SLC5A4: variants seen among roughly 807,000 people sequenced by gnomAD.
SLC5A4 encodes probable glucose sensor protein SLC5A4.
Under a neutral mutation model 70.3 loss-of-function variants are expected in SLC5A4, and 55 were observed. That is an observed-to-expected ratio of 0.78 (90% CI 0.63 to 0.98). The LOEUF is 0.98. Among genes scored for constraint, SLC5A4 ranks in the 50% least tolerant of loss-of-function variants. SLC5A4 has a pLI of 0.00. For missense variants in SLC5A4, 735 were observed against 839.2 expected (o/e 0.88, Z 1.53); for synonymous variants, 268 against 305.7 (o/e 0.88, Z 1.29).
chr22:32,238,950 A>G (rs1308909455), intron 6 of SLC5A4, 35 bp downstream of exon 6: 1 of 1,468,692 alleles, frequency 6.8e-7, no homozygotes, highest in Non-Finnish European at 9.5e-7. Context: ...TCAGCAAAAG[A>G]TAGCCTGAGT....
At chr22:32,271,390 T>C in the SLC5A4 span, 1 of 760,538 alleles carries the variant, frequency 1.3e-6, no homozygotes, top group Non-Finnish European at 2.4e-6. Flanking sequence ...ACACCTTACC[T>C]GCTGGTGCAT....
At chr22:32,305,255 G>GCA in the SLC5A4 span, among the ~76,000 whole-genome samples, 1 of 151,924 alleles carries the variant, frequency 6.6e-6, no homozygotes, top group East Asian at 1.9e-4. Flanking sequence ...TGTATTTGGA[G>GCA]CACAGTAAGC....
At chr22:32,349,251 G>T in the SLC5A4 span, among the ~76,000 whole-genome samples, 1 of 152,204 alleles carries the variant, frequency 6.6e-6, no homozygotes, top group Non-Finnish European at 1.5e-5. Context: ...GGGATTACAG[G>T]CGTGAGCCAC....
the SLC5A4 span, among the ~76,000 whole-genome samples, chr22:32,330,796 G>GA: frequency 3.8e-5 from 2 of 53,252 alleles, no homozygotes; most frequent in African/African-American, 1.5e-4. Flanking sequence ...TGTGTGTTGG[G>GA]GGCTCTGGTG....
chr22:32,333,205 C>CCCA, the SLC5A4 span, among the ~76,000 whole-genome samples: 2 of 148,976 alleles, frequency 1.3e-5, no homozygotes, highest in African/African-American at 2.5e-5. Context: ...CACCCCCCCC[C>CCCA]CAGAAGACTC....
chr22:32,301,745 T>G, the SLC5A4 span, among the ~76,000 whole-genome samples: 3 of 152,096 alleles, frequency 2.0e-5, no homozygotes, highest in African/African-American at 7.2e-5. Context: ...AGACTCAGAC[T>G]TCCCAGTTTT....
chr22:32,241,617 G>A (rs1196979666), intron 5 of SLC5A4, among the ~76,000 whole-genome samples: 1 of 152,132 alleles, frequency 6.6e-6, no homozygotes, highest in Non-Finnish European at 1.5e-5. Context: ...GGCCAAAGCG[G>A]GTGGATCACT....
In SLC5A4 at chr22:32,254,131, G is replaced by C; in HGVS notation, c.207+11C>G. ...AGGAAATTTATCTCCAGAAAACTTC[G>C]ATCCACTTACCGGCCACCAGGCCAT... On this transcript the variant is annotated intron_variant, in intron 2 of 14. Transcript: ENST00000266086. The C allele has an allele frequency of 3.7e-6, 6 of 1,609,948 alleles. No homozygotes were observed. The highest frequency in any genetic ancestry group is 4.3e-6 in the Non-Finnish European group (5 of 1,176,292).
At chr22:32,239,534 A>T (rs542421255) in intron 5 of SLC5A4, among the ~76,000 whole-genome samples, 515 of 11,576 alleles carry the variant, frequency 0.044, 14 homozygotes, top group Non-Finnish European at 0.053. Flanking sequence ...ATATATATAT[A>T]TATATATATA....
the SLC5A4 span, among the ~76,000 whole-genome samples, chr22:32,279,724 A>C: frequency 6.6e-6 from 1 of 152,236 alleles, no homozygotes; most frequent in African/African-American, 2.4e-5. Context: ...TTGGCAATTA[A>C]GTTTTACATG....
chr22:32,349,887 A>G, the SLC5A4 span, among the ~76,000 whole-genome samples: 5 of 152,182 alleles, frequency 3.3e-5, no homozygotes, highest in South Asian at 1.0e-3. Flanking sequence ...CCTCCCTCCC[A>G]TAAAATCTCT....
chr22:32,346,634 G>A, the SLC5A4 span, among the ~76,000 whole-genome samples: 1 of 133,948 alleles, frequency 7.5e-6, no homozygotes, highest in East Asian at 2.2e-4. Flanking sequence ...ATGGTGCTGG[G>A]AAAACTGGCT....
the SLC5A4 span, among the ~76,000 whole-genome samples, chr22:32,347,618 C>T: frequency 6.8e-6 from 1 of 147,474 alleles, no homozygotes; most frequent in Non-Finnish European, 1.5e-5. Flanking sequence ...GAAAACCAAA[C>T]ACCACATGTT....
At chr22:32,353,864 G>A in the SLC5A4 span, among the ~76,000 whole-genome samples, 5 of 150,698 alleles carry the variant, frequency 3.3e-5, no homozygotes, top group African/African-American at 1.2e-4. Context: ...GCCCTGATAT[G>A]GCACCCAAAC....
At chr22:32,353,342 C>A in the SLC5A4 span, among the ~76,000 whole-genome samples, 1 of 152,240 alleles carries the variant, frequency 6.6e-6, no homozygotes, top group South Asian at 2.1e-4. Context: ...GGCCCTATCA[C>A]CCCGTAGTGT....
intron 7 of SLC5A4, among the ~76,000 whole-genome samples, chr22:32,235,358 T>G (rs1476365968): frequency 6.6e-6 from 1 of 152,152 alleles, no homozygotes; most frequent in African/African-American, 2.4e-5. Flanking sequence ...GTGTTTCTTT[T>G]AAGGTAAAAA....
At chr22:32,272,966 T>C in the SLC5A4 span, 1 of 538,746 alleles carries the variant, frequency 1.9e-6, no homozygotes, top group Non-Finnish European at 3.7e-6. Flanking sequence ...CAGAATGCTG[T>C]GCTGCAAGCT....
chr22:32,221,036 A>AT lies in SLC5A4; in HGVS notation c.1666-15dup. ...CAGGCGGTACAGCTGAACAGGGACCATACAAAAGTGCATTAGTAATAGGCA... is the reference window on the plus strand; with the variant it reads ...CAGGCGGTACAGCTGAACAGGGACCATTACAAAAGTGCATTAGTAATAGGCA... On this transcript the variant is annotated splice_polypyrimidine_tract_variant and intron_variant, in intron 13 of 14. Transcript: ENST00000266086. The AT allele has an allele frequency of 6.4e-7, 1 of 1,560,910 alleles. No homozygotes were observed. The highest frequency in any genetic ancestry group is 8.8e-7 in the Non-Finnish European group (1 of 1,132,062).
the SLC5A4 span, among the ~76,000 whole-genome samples, chr22:32,308,565 A>C: frequency 1.3e-5 from 2 of 152,208 alleles, no homozygotes; most frequent in Admixed American, 6.5e-5. Flanking sequence ...CTCCTGGCCA[A>C]AGAAGCCTGT....
Sources: gnomAD v4.1 joint callset for allele counts (sites outside exome capture counted in the v4.1 genomes callset) on GRCh38, gnomAD v4.1.1 for gene constraint, MANE v1.5 for transcripts, NCBI Gene and HGNC (gene_info 2026-07-23, HGNC 2026-07-21) for gene names.